The following GFRA2 variants were observed in gnomAD, a reference collection of about 807,000 sequenced individuals.
The protein encoded by GFRA2 is GDNF family receptor alpha-2.
In GFRA2, 17 loss-of-function variants were observed where a neutral mutation model predicts 48.3. That is an observed-to-expected ratio of 0.35 (90% CI 0.24 to 0.53). The LOEUF is 0.53. GFRA2 is among the 20% of genes least tolerant of loss of function. GFRA2 has a pLI of 0.93. For missense variants in GFRA2, 660 were observed against 637.3 expected (o/e 1.04, Z -0.38); for synonymous variants, 305 against 257.2 (o/e 1.19, Z -1.78).
chr8:21,697,877 C>A (rs1021760444), intron 7 of GFRA2, among the ~76,000 whole-genome samples: 1 of 152,148 alleles, frequency 6.6e-6, no homozygotes, highest in Non-Finnish European at 1.5e-5. Flanking sequence ...CCATGTAAGA[C>A]GTCCCTTTGC....
chr8:21,736,881 TAA>T (rs1804490016), intron 4 of GFRA2, among the ~76,000 whole-genome samples: 1 of 111,874 alleles, frequency 8.9e-6, no homozygotes, highest in South Asian at 3.1e-4. Flanking sequence ...GGAGAAAAAA[TAA>T]GAGAAAAGAA....
At chr8:21,785,422 A>G (rs1807222987) in intron 1 of GFRA2, among the ~76,000 whole-genome samples, 1 of 152,212 alleles carries the variant, frequency 6.6e-6, no homozygotes, top group Admixed American at 6.5e-5. Context: ...CCAGCCAGAG[A>G]AAGGAATCCC....
chr8:21,743,304 G>A (rs190582457), intron 4 of GFRA2, among the ~76,000 whole-genome samples: 1 of 152,294 alleles, frequency 6.6e-6, no homozygotes. Flanking sequence ...TTGGACTCTG[G>A]GCACTGCTCA....
chr8:21,797,287 C>CTTTTTTTTTTTTTTTTTTTTT (rs1159867192), intron 2 of GFRA2, among the ~76,000 whole-genome samples: 6 of 85,646 alleles, frequency 7.0e-5, no homozygotes, highest in African/African-American at 1.4e-4. Flanking sequence ...CCTTTCTTTG[C>CTTTTTTTTTTTTTTTTTTTTT]TTTTTTTTTT....
At chr8:21,705,575 T>TCAG (rs1802697784) in intron 5 of GFRA2, among the ~76,000 whole-genome samples, 1 of 152,188 alleles carries the variant, frequency 6.6e-6, no homozygotes, top group Non-Finnish European at 1.5e-5. Context: ...ATGGAGATTA[T>TCAG]CAGCACCCCG....
intron 4 of GFRA2, among the ~76,000 whole-genome samples, chr8:21,718,312 T>C (rs945292880): frequency 1.3e-5 from 2 of 152,194 alleles, no homozygotes; most frequent in African/African-American, 4.8e-5. Context: ...GACTTGCTCG[T>C]CCTTGCCTTC....
chr8:21,809,096 A>G (rs1807928449), intron 1 of GFRA2, among the ~76,000 whole-genome samples: 1 of 152,148 alleles, frequency 6.6e-6, no homozygotes, highest in Non-Finnish European at 1.5e-5. Context: ...AGATGGGTAA[A>G]GCAAGGCAGA....
At position 21,759,662 on chromosome 8, in the gene GFRA2, G is replaced by A. The variant is rs1053124505; in HGVS notation, c.440-8720C>T. ...CCAGCATTTTGGGAGGCTGAGGTAG[G>A]TGGATCAGTGAAGGCCAGGAGTTCA... On this transcript the variant is annotated intron_variant, in intron 3 of 8. Transcript: ENST00000524240. 2.0e-5 allele frequency among the ~76,000 whole-genome samples: 3 copies of A among 152,154 alleles called. No individual in the cohort carries two copies. In the East Asian group the frequency reaches 5.8e-4, roughly 30 times the overall value.
chr8:21,749,365 C>G (rs144262081), intron 4 of GFRA2, among the ~76,000 whole-genome samples: 51 of 151,944 alleles, frequency 3.4e-4, no homozygotes, highest in African/African-American at 1.1e-3. Flanking sequence ...AACCCTGTGA[C>G]GTGGGTATTT....
chr8:21,771,744 G>A (rs1806447545), intron 3 of GFRA2, among the ~76,000 whole-genome samples: 1 of 152,162 alleles, frequency 6.6e-6, no homozygotes, highest in African/African-American at 2.4e-5. Flanking sequence ...AGACACAGGA[G>A]CATCCTCCCT....
At chr8:21,754,505 CTTTTTTTTTTTT>C (rs59344047) in intron 3 of GFRA2, among the ~76,000 whole-genome samples, 1 of 121,228 alleles carries the variant, frequency 8.2e-6, no homozygotes, top group African/African-American at 3.2e-5. Context: ...CTTTTTTTTT[CTTTTTTTTTTTT>C]TTTTTTTTGA....
intron 4 of GFRA2, among the ~76,000 whole-genome samples, chr8:21,730,359 T>C (rs1804123649): frequency 6.6e-6 from 1 of 151,404 alleles, no homozygotes. Flanking sequence ...GCCGAGATAG[T>C]GCCATTGCAT....
At chr8:21,716,260 T>C (rs992157616) in intron 4 of GFRA2, among the ~76,000 whole-genome samples, 1 of 151,584 alleles carries the variant, frequency 6.6e-6, no homozygotes, top group Non-Finnish European at 1.5e-5. Flanking sequence ...GATGCAGAGG[T>C]TGCAGTGAGC....
rs1554486631 is a variant in GFRA2 at position 21,711,682 on chromosome 8, G to GTTTTTCTTTTTTTTT, written c.795-5656_795-5642dup. On this transcript the variant is annotated intron_variant, in intron 4 of 8. Coordinates refer to ENST00000524240, the MANE Select transcript of GFRA2 (RefSeq NM_001495.5). Reference sequence around the variant, plus strand: ...ATCTGGGAAATACTTACGCTAAACAGTTTTTCTTTTTTTTTTTTTTTGATC... The same window carrying GTTTTTCTTTTTTTTT: ...ATCTGGGAAATACTTACGCTAAACAGTTTTTCTTTTTTTTTTTTTTCTTTTTTTTTTTTTTTGATC... Among the ~76,000 whole-genome samples, 223 of 142,618 alleles carry GTTTTTCTTTTTTTTT rather than the reference G, an allele frequency of 1.6e-3. 1 individual carries two copies. The highest frequency in any genetic ancestry group is 5.8e-3 in the African/African-American group (206 of 35,432). 93.6% of individuals were successfully genotyped at this position (142,618 alleles called of 152,430 possible). A position where few individuals can be genotyped will look rare whatever the true frequency, so the allele number is the denominator to read the frequency against.
chr8:21,753,626 A>C (rs1424076057), intron 3 of GFRA2, among the ~76,000 whole-genome samples: 1 of 152,200 alleles, frequency 6.6e-6, no homozygotes, highest in Non-Finnish European at 1.5e-5. Flanking sequence ...CTCAAAAAAA[A>C]AGAAAAAAAG....
Position 21,788,350 on chromosome 8 carries a change from G to C in GFRA2, c.-191C>G, listed in dbSNP as rs1384071996. ...CCTCTGGCTGGAGGGGGTGGGGTGAGAGGCGGGCGATGGGCTGCTGCCTCT... is the reference window on the plus strand; with the variant it reads ...CCTCTGGCTGGAGGGGGTGGGGTGACAGGCGGGCGATGGGCTGCTGCCTCT... On this transcript the variant is annotated 5_prime_UTR_variant, in exon 1 of 9. Coordinates refer to ENST00000524240, the MANE Select transcript of GFRA2 (RefSeq NM_001495.5). 4.4e-6 allele frequency: 6 copies of C among 1,354,926 alleles called. No homozygotes were observed. In the African/African-American group the frequency reaches 7.6e-5, roughly 17 times the overall value. The allele number at this position is 1,354,926 out of a possible 1,614,324, so 83.9% of individuals were successfully genotyped here. A position where few individuals can be genotyped will look rare whatever the true frequency, so the allele number is the denominator to read the frequency against.
intron 4 of GFRA2, among the ~76,000 whole-genome samples, chr8:21,733,027 G>A (rs1804273311): frequency 6.6e-6 from 1 of 152,222 alleles, no homozygotes; most frequent in South Asian, 2.1e-4. Context: ...GACAGAGTCA[G>A]GAGAGCCTTG....
At chr8:21,711,338 G>A (rs1803011503) in intron 4 of GFRA2, among the ~76,000 whole-genome samples, 1 of 152,070 alleles carries the variant, frequency 6.6e-6, no homozygotes, top group Admixed American at 6.5e-5. Context: ...GAACAGATAG[G>A]AAAAAAACAG....
chr8:21,734,043 C>G (rs1025376693), intron 4 of GFRA2, among the ~76,000 whole-genome samples: 1 of 152,174 alleles, frequency 6.6e-6, no homozygotes, highest in Admixed American at 6.5e-5. Flanking sequence ...GAAAGGGGAC[C>G]GTGCTTTCTG....
Sources: allele counts gnomAD v4.1 joint callset (sites outside exome capture counted in the v4.1 genomes callset), GRCh38; gene constraint gnomAD v4.1.1; transcripts MANE v1.5; gene names NCBI Gene and HGNC (gene_info 2026-07-23, HGNC 2026-07-21).